IMPG2: variants seen among roughly 807,000 people sequenced by gnomAD.
The protein encoded by IMPG2 is interphotoreceptor matrix proteoglycan 2, also known as IPM 200.
IMPG2 carries 91 observed loss-of-function variants against 129.2 expected under a neutral mutation model. The ratio of observed to expected loss-of-function variants is 0.70; its 90% CI spans 0.59 to 0.84. The LOEUF (loss-of-function observed/expected upper bound fraction) is 0.84, where lower values mean the gene tolerates loss of function less well. Among genes scored for constraint, IMPG2 ranks in the 40% least tolerant of loss-of-function variants. The pLI is 0.00. For synonymous variants in IMPG2, 510 were observed against 517.7 expected (o/e 0.99, Z 0.20); for missense variants, 1,430 against 1,461.7 (o/e 0.98, Z 0.35).
intron 11 of IMPG2, among the ~76,000 whole-genome samples, chr3:101,248,169 C>T (rs1706503216): frequency 6.6e-6 from 1 of 152,138 alleles, no homozygotes; most frequent in African/African-American, 2.4e-5. Flanking sequence ...TCTTGAATTT[C>T]CACGTGTTGT....
At position 101,319,772 on chromosome 3, in the gene IMPG2, A is replaced by G; in HGVS notation, c.146T>C (p.Leu49Pro). ...AGAAAGGTCTGTTGATTCTTCAGGCAGGAGAAAAGAAACTGCACTCTTGGG... is the reference window on the plus strand; with the variant it reads ...AGAAAGGTCTGTTGATTCTTCAGGCGGGAGAAAAGAAACTGCACTCTTGGG... ...QEPKSAVSFL[L>P]PEESTDLSLA... Residue 49 changes from leucine to proline, a missense_variant, in exon 2 of 19, where the codon CTG becomes CCG. Leu to Pro is a moderately conservative substitution (Grantham distance 98, BLOSUM62 -3). Coordinates refer to ENST00000193391, the MANE Select transcript of IMPG2 (RefSeq NM_016247.4). 1.2e-6 allele frequency: 2 copies of G among 1,613,488 alleles called. No homozygotes were observed. Among genetic ancestry groups the G allele is most frequent in the Non-Finnish European group, 8.5e-7 (1 of 1,179,742 alleles).
At chr3:101,247,465 C>T (rs761014863) in intron 11 of IMPG2, among the ~76,000 whole-genome samples, 56 of 152,122 alleles carry the variant, frequency 3.7e-4, no homozygotes, top group Non-Finnish European at 5.7e-4. Context: ...GGTGTGGTGG[C>T]ACATGCCTGT....
At chr3:101,311,310 G>A (rs1707262230) in intron 2 of IMPG2, among the ~76,000 whole-genome samples, 1 of 152,078 alleles carries the variant, frequency 6.6e-6, no homozygotes, top group Non-Finnish European at 1.5e-5. Context: ...TTGTATCTAG[G>A]AAAGCCTAAC....
At position 101,244,745 on chromosome 3, in the gene IMPG2, T is replaced by G; in HGVS notation, c.1586A>C (p.Asp529Ala). Residue 529 changes from aspartate (D) to alanine (A), a missense_variant, in exon 13 of 19, where the codon GAT becomes GCT. Physicochemically the swap from Asp to Ala is moderately radical, Grantham distance 126 (BLOSUM62 -2). Transcript: ENST00000193391. ...AGTGAATGAACTTGAAGGCAATGAA[T>G]CAATAGAAAGAAAATCTTCTGACTC... ...VEESEDFLSI[D>A]SLPSSSFTQP... 2 of 1,614,024 alleles carry G rather than the reference T, an allele frequency of 1.2e-6. No homozygotes were observed. Among genetic ancestry groups the G allele is most frequent in the Non-Finnish European group, 1.7e-6 (2 of 1,179,916 alleles).
intron 14 of IMPG2, 96 bp downstream of exon 14, chr3:101,242,592 C>A: frequency 1.1e-6 from 1 of 917,870 alleles, no homozygotes; most frequent in Non-Finnish European, 1.8e-6. Flanking sequence ...TTTTTTCCTG[C>A]AAGTATTGGA....
chr3:101,256,447 C>G (rs991093059), intron 10 of IMPG2, among the ~76,000 whole-genome samples: 1 of 151,960 alleles, frequency 6.6e-6, no homozygotes, highest in Non-Finnish European at 1.5e-5. Context: ...CAAGCCCCAA[C>G]TCAAAAAAAT....
chr3:101,267,614 T>C, intron 8 of IMPG2, 83 bp from the exon 9 acceptor site: 2 of 1,139,600 alleles, frequency 1.8e-6, no homozygotes, highest in Admixed American at 3.5e-5. Context: ...AAGTTATTCA[T>C]GTATTTCCTC....
At chr3:101,245,706 T>C in intron 12 of IMPG2, 96 bp downstream of exon 12, 1 of 1,120,644 alleles carries the variant, frequency 8.9e-7, no homozygotes, top group Non-Finnish European at 1.4e-6. Flanking sequence ...TAATGAATGC[T>C]ACCATGTTTT....
chr3:101,317,497 T>C (rs2107147086), intron 2 of IMPG2, among the ~76,000 whole-genome samples: 1 of 152,278 alleles, frequency 6.6e-6, no homozygotes, highest in South Asian at 2.1e-4. Context: ...GGATATTGAA[T>C]AACTCCCTCC....
At chr3:101,232,749 C>A (rs185852996) in intron 15 of IMPG2, 32 bp downstream of exon 15, 3 of 1,592,330 alleles carry the variant, frequency 1.9e-6, no homozygotes, top group Non-Finnish European at 2.6e-6. Context: ...TATCTATAGC[C>A]TCTAAAGTCA....
At chr3:101,264,688 G>C (rs527706980) in intron 9 of IMPG2, among the ~76,000 whole-genome samples, 1 of 151,984 alleles carries the variant, frequency 6.6e-6, no homozygotes, top group Non-Finnish European at 1.5e-5. Flanking sequence ...AGTACCAGAA[G>C]TCCTAGCCAG....
At chr3:101,310,467 G>A (rs1707252044) in intron 2 of IMPG2, among the ~76,000 whole-genome samples, 1 of 151,316 alleles carries the variant, frequency 6.6e-6, no homozygotes, top group Non-Finnish European at 1.5e-5. Flanking sequence ...GCTGAGGTGG[G>A]AGGATCATCT....
chr3:101,232,687 T>C (rs1706302340), intron 15 of IMPG2, 94 bp downstream of exon 15: 6 of 1,027,720 alleles, frequency 5.8e-6, no homozygotes, highest in Admixed American at 1.9e-5. Flanking sequence ...TAATGCATAC[T>C]ATAATAAGTA....
chr3:101,249,899 C>A (rs909742938), intron 11 of IMPG2, among the ~76,000 whole-genome samples: 1 of 151,606 alleles, frequency 6.6e-6, no homozygotes, highest in Admixed American at 6.6e-5. Flanking sequence ...TCTGTCTCTA[C>A]GAAAAACATA....
Position 101,243,657 on chromosome 3 carries a change from A to G in IMPG2, c.2674T>C (p.Tyr892His). The G allele has an allele frequency of 6.2e-7, 1 of 1,614,052 alleles. No homozygotes were observed. Among genetic ancestry groups the G allele is most frequent in the Non-Finnish European group, 8.5e-7 (1 of 1,179,996 alleles). The stretch of plus-strand genomic sequence containing the variant: ...ACCAAAGCTCCTGAAGTCTGGGTAT[A>G]ACTCAAGTCATCTCCTCCTTCTGTG... Reference protein sequence around the residue: ...WPTEGGDDLSYTQTSGALVVF... With the variant: ...WPTEGGDDLSHTQTSGALVVF... Residue 892 changes from tyrosine to histidine, a missense_variant, in exon 13 of 19, where the codon TAT becomes CAT. Transcript: ENST00000193391.
intron 17 of IMPG2, among the ~76,000 whole-genome samples, chr3:101,229,136 C>T (rs578213803): frequency 6.5e-5 from 5 of 77,254 alleles, no homozygotes; most frequent in East Asian, 3.4e-4. Context: ...CAGTTAATAA[C>T]GCAAAAAAAA....
chr3:101,319,650 T>C lies in IMPG2; in HGVS notation c.268A>G (p.Lys90Glu). The change falls in exon 2 of 19, where the codon AAA becomes GAA. Residue 90 changes from lysine (K) to glutamate (E), a missense_variant. Lys to Glu is a moderately conservative substitution (Grantham distance 56). Coordinates refer to ENST00000193391, the MANE Select transcript of IMPG2 (RefSeq NM_016247.4). Reference sequence around the variant, plus strand: ...GCAACACTTTCATCTGGGCAGATTTTCACTCCATTAGGAAACAGAATAGAT... The same window carrying C: ...GCAACACTTTCATCTGGGCAGATTTCCACTCCATTAGGAAACAGAATAGAT... The part of the protein sequence containing the change: ...RRSILFPNGV[K>E]ICPDESVAEA... The C allele has an allele frequency of 1.9e-6, 3 of 1,613,814 alleles. No individual in the cohort carries two copies. Among genetic ancestry groups the C allele is most frequent in the Middle Eastern group, 1.7e-4 (1 of 6,060 alleles).
chr3:101,307,712 T>C (rs959432078), intron 2 of IMPG2, among the ~76,000 whole-genome samples: 1 of 152,206 alleles, frequency 6.6e-6, no homozygotes, highest in Admixed American at 6.5e-5. Context: ...TGGGTGGGGA[T>C]ACAGGCAAAC....
Position 101,276,668 on chromosome 3 carries a change from C to A in IMPG2, c.579G>T (p.Leu193Phe). 1 of 1,600,200 alleles carries A rather than the reference C, an allele frequency of 6.2e-7. No individual in the cohort carries two copies. Among genetic ancestry groups the A allele is most frequent in the Non-Finnish European group, 8.6e-7 (1 of 1,167,922 alleles). ...AATGAAGACACAAAAGTATACCTCCCAATGTTGAAGTATCACCAACAGGAA... is the reference window on the plus strand; with the variant it reads ...AATGAAGACACAAAAGTATACCTCCAAATGTTGAAGTATCACCAACAGGAA... ...SPVPVGDTST[L>F]GDTTLSVPHP... The change falls in exon 5 of 19, where the codon TTG becomes TTT. Residue 193 changes from leucine (L) to phenylalanine (F), a missense_variant. Transcript: ENST00000193391.
Sources: allele counts gnomAD v4.1 joint callset (sites outside exome capture counted in the v4.1 genomes callset), GRCh38; gene constraint gnomAD v4.1.1; transcripts MANE v1.5; gene names NCBI Gene and HGNC (gene_info 2026-07-23, HGNC 2026-07-21).